PISD: variants seen among roughly 807,000 people sequenced by gnomAD.
PISD encodes the protein phosphatidylserine decarboxylase.
Under a neutral mutation model 43.5 loss-of-function variants are expected in PISD, and 31 were observed. The observed-to-expected ratio is 0.71, with a 90% CI of 0.54 to 0.96. The LOEUF is 0.96. Among genes scored for constraint, PISD ranks in the 40% least tolerant of loss-of-function variants. The pLI, the probability that PISD is intolerant of heterozygous loss-of-function variation, is 0.00. For synonymous variants in PISD, 259 were observed against 228.7 expected (o/e 1.13, Z -1.20); for missense variants, 523 against 548.4 (o/e 0.95, Z 0.46).
chr22:31,621,991 C>G, intron 3 of PISD, 106 bp from the exon 4 acceptor site: 1 of 846,774 alleles, frequency 1.2e-6, no homozygotes, highest in Non-Finnish European at 1.9e-6. Flanking sequence ...AATCTGCACC[C>G]CACGGAGGAC....
At chr22:31,640,876 C>T (rs867979294) in intron 3 of PISD, among the ~76,000 whole-genome samples, 1,274 of 35,894 alleles carry the variant, frequency 0.035, 23 homozygotes, top group African/African-American at 0.12. Flanking sequence ...CCACCACACC[C>T]GGTGTTTTTT....
In PISD at chr22:31,648,199, C is replaced by T. The variant is rs746029338; in HGVS notation, c.223G>A (p.Gly75Ser). Reference protein sequence around the residue: ...RPLPILLVTGGGYAGYRQYEK... With the variant: ...RPLPILLVTGSGYAGYRQYEK... ...TACTGCCGGTACCCTGCATACCCGC[C>T]GCCTGTCACCAACAGAATGGGCAGG... The change falls in exon 3 of 8, where the codon GGC becomes AGC. Residue 75 changes from glycine (G) to serine (S), a missense_variant. By Grantham distance (56) the Gly-to-Ser change is moderately conservative. Coordinates refer to ENST00000439502, the MANE Select transcript of PISD (RefSeq NM_001326411.2). 2.0e-5 allele frequency: 32 copies of T among 1,612,264 alleles called. No homozygotes were observed. The highest frequency in any genetic ancestry group is 5.3e-5 in the African/African-American group (4 of 74,900).
chr22:31,659,261 C>G (rs2074257039), intron 1 of PISD, among the ~76,000 whole-genome samples: 1 of 152,150 alleles, frequency 6.6e-6, no homozygotes, highest in Admixed American at 6.6e-5. Context: ...AACGGACAGA[C>G]CTCTTGAAGG....
intron 1 of PISD, among the ~76,000 whole-genome samples, chr22:31,661,273 T>C (rs930061113): frequency 9.9e-5 from 15 of 152,084 alleles, no homozygotes; most frequent in African/African-American, 3.1e-4. Context: ...CCCAAAACAA[T>C]AGGTTATCCT....
At position 31,635,395 on chromosome 22, in the gene PISD, C is replaced by T. The variant is rs142673322; in HGVS notation, c.321+12706G>A. Among the ~76,000 whole-genome samples the T allele has an allele frequency of 7.8e-3, 1,186 of 152,024 alleles. 19 individuals carry two copies. Among genetic ancestry groups the T allele is most frequent in the African/African-American group, 0.027 (1,129 of 41,506 alleles). Reference sequence around the variant, plus strand: ...TTGGCTCACCACAACCTCTGCCTCCCGGGTTCAAGCAATTCTCATGCCTCA... The same window carrying T: ...TTGGCTCACCACAACCTCTGCCTCCTGGGTTCAAGCAATTCTCATGCCTCA... On this transcript the variant is annotated intron_variant, in intron 3 of 7. Transcript: ENST00000439502.
chr22:31,648,290 C>T lies in PISD; in HGVS notation c.146-14G>A. On this transcript the variant is annotated splice_polypyrimidine_tract_variant and intron_variant, in intron 2 of 7. Transcript: ENST00000439502. ...TTTTTCTGGCATCTGTAATAAAAAA[C>T]AGGACAATTTCAAGCCTGAGAGACA... The T allele has an allele frequency of 6.3e-7, 1 of 1,591,960 alleles. No individual in the cohort carries two copies. Among genetic ancestry groups the T allele is most frequent in the Non-Finnish European group, 8.6e-7 (1 of 1,169,448 alleles).
intron 3 of PISD, among the ~76,000 whole-genome samples, chr22:31,624,590 G>A (rs1232771348): frequency 6.6e-6 from 1 of 151,840 alleles, no homozygotes; most frequent in Non-Finnish European, 1.5e-5. Context: ...ACAGGTTTGT[G>A]AACAAAACCT....
chr22:31,649,170 T>A (rs1449835412), intron 2 of PISD, among the ~76,000 whole-genome samples: 1 of 151,754 alleles, frequency 6.6e-6, no homozygotes, highest in Non-Finnish European at 1.5e-5. Context: ...CAGTGAGCTA[T>A]GATCACGCCA....
intron 3 of PISD, chr22:31,625,612 G>A: frequency 1.1e-6 from 1 of 937,410 alleles, no homozygotes; most frequent in Non-Finnish European, 1.6e-6. Context: ...AGGGTGCTCA[G>A]GCCCCCCAGG....
Position 31,621,841 on chromosome 22 carries a change from G to A in PISD, c.366C>T (p.Ala122=). Residue 122 remains alanine, a synonymous_variant, in exon 4 of 8, where the codon GCC becomes GCT. Transcript: ENST00000439502. Reference sequence around the variant, plus strand: ...GCTCCACCTGATTGAGGCGACCCCAGGCCCGTGACAGCAAGCGCGTTGGCA... The same window carrying A: ...GCTCCACCTGATTGAGGCGACCCCAAGCCCGTGACAGCAAGCGCGTTGGCA... ...KSVPTRLLSR[A]WGRLNQVELP... The A allele has an allele frequency of 1.2e-6, 2 of 1,612,266 alleles. No homozygotes were observed. Among genetic ancestry groups the A allele is most frequent in the African/African-American group, 1.3e-5 (1 of 75,064 alleles).
intron 5 of PISD, 72 bp downstream of exon 5, chr22:31,621,262 C>G: frequency 6.2e-7 from 1 of 1,610,622 alleles, no homozygotes; most frequent in South Asian, 1.1e-5. Flanking sequence ...GTTCCTTCCC[C>G]AGCATTCCCC....
chr22:31,660,135 A>C (rs2074278543), intron 1 of PISD, among the ~76,000 whole-genome samples: 1 of 152,176 alleles, frequency 6.6e-6, no homozygotes, highest in Non-Finnish European at 1.5e-5. Flanking sequence ...TTTACTAAAA[A>C]CCCACAGAAA....
At chr22:31,658,167 G>C (rs1190831200) in intron 1 of PISD, among the ~76,000 whole-genome samples, 1 of 152,202 alleles carries the variant, frequency 6.6e-6, no homozygotes, top group African/African-American at 2.4e-5. Context: ...CCAGAAAGAT[G>C]AATGGATGGG....
At chr22:31,624,658 C>G (rs4820987) in intron 3 of PISD, among the ~76,000 whole-genome samples, 64,151 of 118,746 alleles carry the variant, frequency 0.54, 14,775 homozygotes, top group Middle Eastern at 0.64. Flanking sequence ...CAGACAGACA[C>G]ACACACACAC....
chr22:31,639,698 G>A (rs921364649), intron 3 of PISD, among the ~76,000 whole-genome samples: 1 of 151,936 alleles, frequency 6.6e-6, no homozygotes, highest in East Asian at 1.9e-4. Context: ...AATCACAACC[G>A]CCACACAAAG....
At chr22:31,661,215 A>T (rs1200923574) in intron 1 of PISD, among the ~76,000 whole-genome samples, 1 of 152,164 alleles carries the variant, frequency 6.6e-6, no homozygotes, top group Non-Finnish European at 1.5e-5. Flanking sequence ...TAACAAGACC[A>T]ATGATGGTTT....
Position 31,619,732 on chromosome 22 carries a change from G to A in PISD, c.1110C>T (p.His370=). The change falls in exon 8 of 8, where the codon CAC becomes CAT. Residue 370 remains histidine (H), a synonymous_variant. Coordinates refer to ENST00000439502, the MANE Select transcript of PISD (RefSeq NM_001326411.2). ...REGVPMRKGE[H]LGEFNLGSTI... ...TGGAGCCCAGGTTGAACTCGCCCAGGTGCTCGCCCTTACGCATGGGGACGC... is the reference window on the plus strand; with the variant it reads ...TGGAGCCCAGGTTGAACTCGCCCAGATGCTCGCCCTTACGCATGGGGACGC... 6.2e-7 allele frequency: 1 copy of A among 1,614,200 alleles called. No homozygotes were observed. Among genetic ancestry groups the A allele is most frequent in the South Asian group, 1.1e-5 (1 of 91,084 alleles).
chr22:31,629,344 TGTA>T (rs1440987002), intron 3 of PISD: 3 of 372,564 alleles, frequency 8.1e-6, no homozygotes, highest in African/African-American at 4.5e-5. Flanking sequence ...GTGTGGGGTG[TGTA>T]GGTGTGAGGG....
rs148311696 is a variant in PISD at position 31,643,264 on chromosome 22, G to A, written c.321+4837C>T. Among the ~76,000 whole-genome samples, 280 of 152,190 alleles carry A rather than the reference G, an allele frequency of 1.8e-3. 1 individual carries two copies. The highest frequency in any genetic ancestry group is 5.9e-3 in the African/African-American group (244 of 41,510). ...CATAGTGTTTGCTATATTCATCTCC[G>A]TCATTTAACAGGGAGTAAGACTGAT... is the stretch of plus-strand genomic sequence containing the variant. On this transcript the variant is annotated intron_variant, in intron 3 of 7. Transcript: ENST00000439502.
Sources: allele counts gnomAD v4.1 joint callset (sites outside exome capture counted in the v4.1 genomes callset), GRCh38; gene constraint gnomAD v4.1.1; transcripts MANE v1.5; gene names NCBI Gene and HGNC (gene_info 2026-07-23, HGNC 2026-07-21).